RNF38: variants seen among roughly 807,000 people sequenced by gnomAD.
RNF38 encodes E3 ubiquitin-protein ligase RNF38.
RNF38 carries 15 observed loss-of-function variants against 67.2 expected under a neutral mutation model. The observed-to-expected ratio is 0.22, with a 90% CI of 0.15 to 0.34. The LOEUF is 0.34. RNF38 is among the 10% of genes least tolerant of loss of function. The pLI is 1.00. For missense variants in RNF38, 524 were observed against 639.9 expected (o/e 0.82, Z 1.95); for synonymous variants, 220 against 218.8 (o/e 1.01, Z -0.05).
At chr9:36,356,700 A>C (rs1834130959) in intron 5 of RNF38, among the ~76,000 whole-genome samples, 1 of 136,526 alleles carries the variant, frequency 7.3e-6, no homozygotes, top group Admixed American at 8.2e-5. Context: ...AATTGGTTGA[A>C]ATCCTTGAGC....
chr9:36,356,266 A>G, intron 6 of RNF38, 37 bp downstream of exon 6: 1 of 1,603,062 alleles, frequency 6.2e-7, no homozygotes, highest in Non-Finnish European at 8.5e-7. Flanking sequence ...AATTAGTTAA[A>G]AACTAAACAT....
At chr9:36,427,804 G>A (rs747603190) in intron 1 of RNF38, among the ~76,000 whole-genome samples, 5 of 151,788 alleles carry the variant, frequency 3.3e-5, no homozygotes, top group African/African-American at 9.7e-5. Flanking sequence ...TCCACCTCCC[G>A]GGTTCAAGCG....
intron 1 of RNF38, among the ~76,000 whole-genome samples, chr9:36,446,982 C>G (rs563129094): frequency 1.3e-5 from 2 of 150,814 alleles, no homozygotes; most frequent in African/African-American, 4.9e-5. Context: ...AAAAACATAG[C>G]TGGGTGTGGT....
rs770414040 is a variant in RNF38, at chr9:36,375,947, G to A, written c.343C>T (p.Arg115Cys). ...TAATCAACTAACCTTCTTCTGTTGCGTGCAGGTGTGTTGCATCGTTCCCCT... is the reference window on the plus strand; with the variant it reads ...TAATCAACTAACCTTCTTCTGTTGCATGCAGGTGTGTTGCATCGTTCCCCT... ...FSGERCNTPA[R>C]NRRSPPVRRQ... The change falls in exon 3 of 12, where the codon CGC (arginine) becomes TGC (cysteine). Residue 115 changes from arginine to cysteine, a missense_variant. This residue lies in a region of RNF38 where 461 missense variants were observed against 517.4 expected (regional missense o/e 0.89). Transcript: ENST00000259605. The A allele has an allele frequency of 7.4e-6, 12 of 1,610,904 alleles. No individual in the cohort carries two copies. Among genetic ancestry groups the A allele is most frequent in the Middle Eastern group, 1.6e-4 (1 of 6,074 alleles).
chr9:36,459,218 A>G (rs1839666781), intron 1 of RNF38, among the ~76,000 whole-genome samples: 1 of 151,832 alleles, frequency 6.6e-6, no homozygotes. Flanking sequence ...AAAAAAAAAA[A>G]AAAGAAAGAT....
At chr9:36,386,306 A>T (rs1836633290) in intron 2 of RNF38, among the ~76,000 whole-genome samples, 1 of 152,206 alleles carries the variant, frequency 6.6e-6, no homozygotes, top group Non-Finnish European at 1.5e-5. Flanking sequence ...ATAATCTTCC[A>T]TATGAATTTA....
chr9:36,372,595 T>C (rs1835471858), intron 3 of RNF38: 3 of 705,236 alleles, frequency 4.3e-6, no homozygotes, highest in Non-Finnish European at 5.2e-6. Flanking sequence ...ATAGGTAACC[T>C]ATATTAAGTA....
In RNF38 at chr9:36,390,459, A is replaced by G. The variant is rs559924247; in HGVS notation, c.162+8T>C. The G allele has an allele frequency of 2.0e-5, 32 of 1,610,952 alleles. No individual in the cohort carries two copies. The highest frequency in any genetic ancestry group is 2.5e-5 in the Non-Finnish European group (29 of 1,178,816). ...CCCTATGTAGGGAAAGGGTAAATAT[A>G]TAAGAACCTGGAAGAAAGCTTTGAA... On this transcript the variant is annotated splice_region_variant and intron_variant, in intron 2 of 11. Transcript: ENST00000259605.
intron 2 of RNF38, among the ~76,000 whole-genome samples, chr9:36,414,341 G>A (rs966236056): frequency 3.3e-5 from 5 of 152,106 alleles, no homozygotes; most frequent in African/African-American, 4.8e-5. Flanking sequence ...TATAGGCCCC[G>A]TGAGATTTAT....
chr9:36,487,609 C>G (rs1029526235), upstream of RNF38: 23 of 978,698 alleles, frequency 2.4e-5, no homozygotes, highest in Middle Eastern at 5.2e-4. Flanking sequence ...TCCGGCGCGG[C>G]AGGCGCTGGC....
chr9:36,384,414 G>C (rs1195776332), intron 2 of RNF38, among the ~76,000 whole-genome samples: 1 of 152,106 alleles, frequency 6.6e-6, no homozygotes, highest in Non-Finnish European at 1.5e-5. Flanking sequence ...TGCAGACATA[G>C]ACAAAATTGC....
At chr9:36,467,335 A>G (rs1394172456) in intron 1 of RNF38, among the ~76,000 whole-genome samples, 1 of 150,202 alleles carries the variant, frequency 6.7e-6, no homozygotes, top group Non-Finnish European at 1.5e-5. Context: ...TATGAAAAAA[A>G]TTAGATGTCT....
intron 1 of RNF38, among the ~76,000 whole-genome samples, chr9:36,472,694 C>A (rs545398375): frequency 6.6e-6 from 1 of 152,178 alleles, no homozygotes; most frequent in South Asian, 2.1e-4. Context: ...CCAAGCCCAG[C>A]CAAGAAGTTT....
chr9:36,486,500 G>C (rs1404019591), intron 1 of RNF38, among the ~76,000 whole-genome samples: 2 of 152,150 alleles, frequency 1.3e-5, no homozygotes, highest in Admixed American at 6.5e-5. Flanking sequence ...TCTGGTTTCG[G>C]CATGAACGAA....
At chr9:36,457,163 A>G (rs1839613938) in intron 1 of RNF38, among the ~76,000 whole-genome samples, 1 of 150,688 alleles carries the variant, frequency 6.6e-6, no homozygotes, top group Admixed American at 6.6e-5. Flanking sequence ...TGCTAGATGA[A>G]TTTATATTAA....
chr9:36,351,291 G>A (rs1306786489), intron 8 of RNF38, 92 bp from the exon 9 acceptor site: 3 of 783,810 alleles, frequency 3.8e-6, no homozygotes, highest in African/African-American at 3.5e-5. Context: ...CTATAAGGAT[G>A]AAGAATGGTT....
chr9:36,401,274 C>T, upstream of RNF38: 1 of 979,416 alleles, frequency 1.0e-6, no homozygotes, highest in Non-Finnish European at 1.2e-6. Context: ...CAGAGCTCCG[C>T]GCGCAGCACC....
At chr9:36,400,461 T>G (rs1460684166), upstream of RNF38, 14 of 1,037,888 alleles carry the variant, frequency 1.3e-5, no homozygotes, top group Non-Finnish European at 1.6e-5. Flanking sequence ...AGGCAAACCT[T>G]AGCCCAAGAC....
chr9:36,344,673 T>C (rs1015140391), intron 10 of RNF38, among the ~76,000 whole-genome samples, 159 bp downstream of exon 10: 11 of 152,222 alleles, frequency 7.2e-5, no homozygotes, highest in Admixed American at 7.2e-4. Context: ...GACTATGAAA[T>C]AAAGATAACT....
Sources: allele counts gnomAD v4.1 joint callset (sites outside exome capture counted in the v4.1 genomes callset), GRCh38; gene constraint gnomAD v4.1.1; regional missense constraint gnomAD v4.1.1; transcripts MANE v1.5; gene names NCBI Gene and HGNC (gene_info 2026-07-23, HGNC 2026-07-21).